KIF1B: variants seen among roughly 807,000 people sequenced by gnomAD.
KIF1B encodes the protein kinesin-like protein KIF1B.
In KIF1B, 76 loss-of-function variants were observed where a neutral mutation model predicts 241.9. The ratio of observed to expected loss-of-function variants is 0.31; its 90% CI spans 0.26 to 0.38. The LOEUF is 0.38. KIF1B is among the 10% of genes least tolerant of loss of function. The pLI, the probability that KIF1B is intolerant of heterozygous loss-of-function variation, is 1.00. For synonymous variants in KIF1B, 750 were observed against 796.7 expected (o/e 0.94, Z 0.99); for missense variants, 1,622 against 2,271.4 (o/e 0.71, Z 5.81).
At chr1:10,268,758 A>AT in intron 7 of KIF1B, among the ~76,000 whole-genome samples, 1 of 150,700 alleles carries the variant, frequency 6.6e-6, no homozygotes, top group Non-Finnish European at 1.5e-5. Context: ...TTGCTTATTG[A>AT]TTTTTCATTT....
chr1:10,305,714 G>T (rs1650795931), intron 22 of KIF1B: 1 of 1,057,594 alleles, frequency 9.5e-7, no homozygotes, highest in African/African-American at 1.7e-5. Context: ...TCCTGATGAT[G>T]ATTTATTGTA....
rs1650640359 is a variant in KIF1B at position 10,303,400 on chromosome 1, G to T, written c.2115+6154G>T. 2 of 1,614,176 alleles carry T rather than the reference G, an allele frequency of 1.2e-6. No individual in the cohort carries two copies. Among genetic ancestry groups the T allele is most frequent in the African/African-American group, 2.7e-5 (2 of 75,032 alleles). ...CACAATCTCAGATCTTAAAATTCAG[G>T]CTGTCAAAGAGATTTGCTATGAGGT... On this transcript the variant is annotated intron_variant, in intron 22 of 48. Transcript: ENST00000676179. This position sits in a 1 kb window ranked among gnomAD's most constrained non-coding sequence, Gnocchi z 5.2.
Position 10,336,597 on chromosome 1 carries a change from T to C in KIF1B, c.3044-60T>C, listed in dbSNP as rs540639722. On this transcript the variant is annotated intron_variant, in intron 28 of 48. Coordinates refer to ENST00000676179, the MANE Select transcript of KIF1B (RefSeq NM_001365951.3). Reference sequence around the variant, plus strand: ...GAGTTTATAATCCAGCAAGAGCTTTTTCCCTCCCTCCCCCTGTGTAGTCTC... The same window carrying C: ...GAGTTTATAATCCAGCAAGAGCTTTCTCCCTCCCTCCCCCTGTGTAGTCTC... 2 of 1,344,538 alleles carry C rather than the reference T, an allele frequency of 1.5e-6. 1 individual carries two copies. Among genetic ancestry groups the C allele is most frequent in the African/African-American group, 2.9e-5 (2 of 69,782 alleles). The allele number at this position is 1,344,538 out of a possible 1,614,324, so 83.3% of individuals were successfully genotyped here. A position where few individuals can be genotyped will look rare whatever the true frequency, so the allele number is the denominator to read the frequency against.
chr1:10,271,281 T>C (rs74422041), intron 7 of KIF1B, among the ~76,000 whole-genome samples: 2,819 of 152,308 alleles, frequency 0.019, 39 homozygotes, highest in Non-Finnish European at 0.027. Context: ...AGGAGCTTCC[T>C]GAGTAGCTGG....
At chr1:10,305,527 A>G (rs2102274468) in intron 22 of KIF1B, 4 of 1,059,956 alleles carry the variant, frequency 3.8e-6, no homozygotes, top group Non-Finnish European at 4.6e-6. Flanking sequence ...TGGGACAGAC[A>G]TGGGGGACAA....
At chr1:10,321,932 G>T in intron 24 of KIF1B, 75 bp downstream of exon 24, 1 of 1,542,662 alleles carries the variant, frequency 6.5e-7, no homozygotes, top group Admixed American at 1.7e-5. Context: ...TTCTCACCTT[G>T]AATTAACCTT....
chr1:10,220,397 T>TAGATAGATAGATGATA (rs1553160022), intron 1 of KIF1B, among the ~76,000 whole-genome samples: 4 of 144,172 alleles, frequency 2.8e-5, no homozygotes, highest in Non-Finnish European at 6.0e-5. Context: ...GATAGATAGA[T>TAGATAGATAGATGATA]GATAGATAGA....
intron 45 of KIF1B, among the ~76,000 whole-genome samples, chr1:10,371,860 G>A (rs1638742015): frequency 6.6e-6 from 1 of 152,070 alleles, no homozygotes; most frequent in African/African-American, 2.4e-5. Flanking sequence ...TTGAATCCAG[G>A]AGTTCAAGGT....
chr1:10,316,963 T>G (rs1161281618), intron 22 of KIF1B, among the ~76,000 whole-genome samples: 1 of 151,480 alleles, frequency 6.6e-6, no homozygotes, highest in East Asian at 1.9e-4. Context: ...CTGGAGTGGC[T>G]ATTCACAGGC....
chr1:10,212,931 T>TATAC (rs1384450222), intron 1 of KIF1B, among the ~76,000 whole-genome samples: 180 of 86,358 alleles, frequency 2.1e-3, no homozygotes, highest in Non-Finnish European at 2.8e-3. Flanking sequence ...TATATATATA[T>TATAC]ACACACACAC....
At chr1:10,343,165 C>A in intron 33 of KIF1B, 67 bp from the exon 34 acceptor site, 1 of 1,535,802 alleles carries the variant, frequency 6.5e-7, no homozygotes, top group South Asian at 1.1e-5. Flanking sequence ...CAGTCCAGCA[C>A]AAAGGGGAGA....
chr1:10,337,049 G>T lies in KIF1B; in HGVS notation c.3130-25G>T. On this transcript the variant is annotated intron_variant, in intron 29 of 48. Coordinates refer to ENST00000676179, the MANE Select transcript of KIF1B (RefSeq NM_001365951.3). The surrounding 1 kb of genome is among the most constrained non-coding windows in gnomAD (Gnocchi z 4.0). ...ATACGTTTTTATACTACTTTACCAT[G>T]TATCTGCCCCTGCCTTTTTTTCAGA... is the stretch of plus-strand genomic sequence containing the variant. The T allele has an allele frequency of 1.2e-6, 2 of 1,614,048 alleles. No homozygotes were observed. The highest frequency in any genetic ancestry group is 1.7e-6 in the Non-Finnish European group (2 of 1,179,994).
rs1648670423 is a variant in KIF1B at position 10,269,593 on chromosome 1, G to A, written c.720+1330G>A. Among the ~76,000 whole-genome samples, 3 of 151,082 alleles carry A rather than the reference G, an allele frequency of 2.0e-5. No individual in the cohort carries two copies. The South Asian group carries it at 6.3e-4, about 32-fold the overall frequency. On this transcript the variant is annotated intron_variant, in intron 7 of 48. Transcript: ENST00000676179. ...CAAGCACTTTGGGAGGCTGAGGCGG[G>A]TGGATCACCTGAGGTCAGGAGTTCG...
At chr1:10,280,331 T>C (rs1569687249) in intron 14 of KIF1B, among the ~76,000 whole-genome samples, 2 of 151,876 alleles carry the variant, frequency 1.3e-5, no homozygotes, top group Middle Eastern at 3.4e-3. Context: ...GCTGCCTGGG[T>C]TCAAGCGATT....
In KIF1B at chr1:10,375,035, G is replaced by T; in HGVS notation, c.5278G>T (p.Ala1760Ser). The T allele has an allele frequency of 1.9e-6, 3 of 1,614,144 alleles. No individual in the cohort carries two copies. Among genetic ancestry groups the T allele is most frequent in the Non-Finnish European group, 2.5e-6 (3 of 1,180,022 alleles). Residue 1760 changes from alanine to serine, a missense_variant, in exon 47 of 49, where the codon GCC (alanine) becomes TCC (serine). Coordinates refer to ENST00000676179, the MANE Select transcript of KIF1B (RefSeq NM_001365951.3). ...GGTGGAGTACAGTGAGGACCAGCAG[G>T]CCATGGTGAAGGTCCGTCCTGCCCT... Reference protein sequence around the residue: ...AQVEYSEDQQAMVKTPNTFAV... With the variant: ...AQVEYSEDQQSMVKTPNTFAV...
chr1:10,217,801 C>G (rs931558734), intron 1 of KIF1B, among the ~76,000 whole-genome samples: 1 of 84,556 alleles, frequency 1.2e-5, no homozygotes, highest in Non-Finnish European at 2.9e-5. Flanking sequence ...TTGCTGTACT[C>G]CCCCGTGATG....
At chr1:10,316,086 G>C (rs965949823) in intron 22 of KIF1B, among the ~76,000 whole-genome samples, 12 of 143,456 alleles carry the variant, frequency 8.4e-5, no homozygotes, top group African/African-American at 2.7e-4. Flanking sequence ...GCTATGAAGG[G>C]GCCAGGCACG....
At chr1:10,307,717 T>TGTGGG (rs1415880393) in intron 22 of KIF1B, 64 of 1,025,266 alleles carry the variant, frequency 6.2e-5, no homozygotes, top group Non-Finnish European at 7.5e-5. Flanking sequence ...CCCTAGCTAT[T>TGTGGG]ATTATAGCAA....
rs765149352 is a variant in KIF1B, at chr1:10,379,973, C to T, written c.*3386C>T. 1.7e-5 allele frequency: 4 copies of T among 229,608 alleles called. No homozygotes were observed. Among genetic ancestry groups the T allele is most frequent in the Non-Finnish European group, 3.5e-5 (4 of 115,592 alleles). 14.2% of individuals were successfully genotyped at this position (229,608 alleles called of 1,614,324 possible). ...GCAAGGGGCAATGGAGTGAGTTTCC[C>T]AACTAAGAAACCACTATTATATATT... On this transcript the variant is annotated 3_prime_UTR_variant, in exon 49 of 49. Coordinates refer to ENST00000676179, the MANE Select transcript of KIF1B (RefSeq NM_001365951.3).
Sources: gnomAD v4.1 joint callset for allele counts (sites outside exome capture counted in the v4.1 genomes callset) on GRCh38, gnomAD v4.1.1 for gene constraint, Gnocchi (gnomAD v3.1) non-coding constraint, MANE v1.5 for transcripts, NCBI Gene and HGNC (gene_info 2026-07-23, HGNC 2026-07-21) for gene names.